The following RBFOX1 variants were observed in gnomAD, a reference collection of about 807,000 sequenced individuals.
The protein encoded by RBFOX1 is RNA binding fox-1 homolog 1.
In RBFOX1, 8 loss-of-function variants were observed where a neutral mutation model predicts 57.7. That is an observed-to-expected ratio of 0.14 (90% confidence interval 0.08 to 0.25). The LOEUF (loss-of-function observed/expected upper bound fraction) is 0.25, where lower values mean the gene tolerates loss of function less well. Among genes scored for constraint, RBFOX1 ranks in the 10% least tolerant of loss-of-function variants. RBFOX1 has a pLI of 1.00. For synonymous variants in RBFOX1, 326 were observed against 222.4 expected (o/e 1.47, Z -4.15); for missense variants, 611 against 548.5 (o/e 1.11, Z -1.14).
chr16:5,305,828 T>G (rs1411896439), intron 1 of RBFOX1, among the ~76,000 whole-genome samples: 4 of 152,044 alleles, frequency 2.6e-5, no homozygotes, highest in Admixed American at 2.6e-4. Context: ...GAGGCCTAGG[T>G]GGGGGGATTG....
intron 4 of RBFOX1, among the ~76,000 whole-genome samples, chr16:6,004,050 A>G (rs1326421096): frequency 6.6e-6 from 1 of 152,204 alleles, no homozygotes; most frequent in Non-Finnish European, 1.5e-5. Context: ...GTGATTAAGA[A>G]TATGTACTCT....
At chr16:6,779,695 T>G (rs2080021664) in intron 3 of RBFOX1, among the ~76,000 whole-genome samples, 1 of 126,952 alleles carries the variant, frequency 7.9e-6, no homozygotes, top group Non-Finnish European at 1.6e-5. Flanking sequence ...CTATCTTTAT[T>G]TATTTATATA....
At chr16:7,151,435 C>G (rs916539756) in intron 4 of RBFOX1, among the ~76,000 whole-genome samples, 9 of 152,094 alleles carry the variant, frequency 5.9e-5, no homozygotes, top group African/African-American at 1.9e-4. Context: ...TCACTAATGT[C>G]TTTACTTGTT....
chr16:7,413,569 A>G (rs984640380), intron 4 of RBFOX1, among the ~76,000 whole-genome samples: 1 of 150,904 alleles, frequency 6.6e-6, no homozygotes, highest in Non-Finnish European at 1.5e-5. Flanking sequence ...TCCGCCATAG[A>G]TTCCACGCTT....
chr16:6,936,576 C>A (rs141710314), intron 3 of RBFOX1, among the ~76,000 whole-genome samples: 1 of 152,090 alleles, frequency 6.6e-6, no homozygotes, highest in South Asian at 2.1e-4. Flanking sequence ...TTAATTGTTT[C>A]CTGTATATGC....
chr16:5,940,666 G>T (rs541670025), intron 4 of RBFOX1, among the ~76,000 whole-genome samples: 1 of 152,358 alleles, frequency 6.6e-6, no homozygotes, highest in Admixed American at 6.5e-5. Flanking sequence ...GGGAGCACCC[G>T]TGGTAAATCA....
chr16:7,420,247 A>G (rs2098527510), intron 4 of RBFOX1, among the ~76,000 whole-genome samples: 1 of 152,114 alleles, frequency 6.6e-6, no homozygotes, highest in African/African-American at 2.4e-5. Flanking sequence ...GCAGATTGTA[A>G]ATAGCCTCTC....
chr16:7,453,681 G>A (rs9922064), intron 4 of RBFOX1, among the ~76,000 whole-genome samples: 1 of 151,982 alleles, frequency 6.6e-6, no homozygotes, highest in African/African-American at 2.4e-5. Context: ...CACTGGTCAA[G>A]GTACTGAGGG....
At chr16:6,983,797 C>G (rs1407672187) in intron 3 of RBFOX1, 2 of 152,308 alleles carry the variant, frequency 1.3e-5, no homozygotes, top group African/African-American at 4.8e-5. Flanking sequence ...CTACTTGTGC[C>G]TAGTGATGGT....
rs752810278 is a variant in RBFOX1 at position 7,331,904 on chromosome 16, A to C, written c.28-186243A>C. Among the ~76,000 whole-genome samples, 4 of 152,156 alleles carry C rather than the reference A, an allele frequency of 2.6e-5. No individual in the cohort carries two copies. In the South Asian group the frequency reaches 6.2e-4, roughly 24 times the overall value. On this transcript the variant is annotated intron_variant, in intron 4 of 15. Coordinates refer to ENST00000550418, the MANE Select transcript of RBFOX1 (RefSeq NM_018723.4). The stretch of plus-strand genomic sequence containing the variant: ...CCCAAATGATTGCTTGGGTATTTTC[A>C]AACACCAGAAAGATTTCAAATCTGT...
chr16:7,696,418 G>C (rs1051628513), intron 14 of RBFOX1, among the ~76,000 whole-genome samples: 7 of 152,164 alleles, frequency 4.6e-5, no homozygotes, highest in East Asian at 3.9e-4. Context: ...TCTTAGACGG[G>C]AGGTCTCCGT....
At chr16:6,473,385 C>A (rs968925234) in intron 2 of RBFOX1, among the ~76,000 whole-genome samples, 1 of 152,054 alleles carries the variant, frequency 6.6e-6, no homozygotes, top group Non-Finnish European at 1.5e-5. Context: ...ATGCTGACAA[C>A]CCTAGCATCT....
intron 3 of RBFOX1, among the ~76,000 whole-genome samples, chr16:7,028,877 C>G (rs1568437848): frequency 6.6e-6 from 1 of 150,716 alleles, no homozygotes; most frequent in Non-Finnish European, 1.5e-5. Flanking sequence ...GAGTGGGAAT[C>G]CAAGCTCTGC....
At chr16:6,277,433 A>T (rs1192158658) in intron 1 of RBFOX1, among the ~76,000 whole-genome samples, 1 of 138,060 alleles carries the variant, frequency 7.2e-6, no homozygotes, top group Non-Finnish European at 1.5e-5. Flanking sequence ...CCCCAGAGAG[A>T]GTGACAGAAC....
At chr16:6,785,856 T>C (rs74007038) in intron 3 of RBFOX1, among the ~76,000 whole-genome samples, 17,529 of 152,192 alleles carry the variant, frequency 0.12, 1,200 homozygotes, top group African/African-American at 0.18. Context: ...CAAAGTCCAT[T>C]AGACTCTAAA....
At position 6,428,135 on chromosome 16, in the gene RBFOX1, A is replaced by T. The variant is rs1408863675; in HGVS notation, c.-64+111078A>T. ...CCATCCCTACAACAAATACAAAAACACTTAGCCAAGTGTGCTGGTGTATGC... is the reference window on the plus strand; with the variant it reads ...CCATCCCTACAACAAATACAAAAACTCTTAGCCAAGTGTGCTGGTGTATGC... On this transcript the variant is annotated intron_variant, in intron 2 of 15. Coordinates refer to ENST00000550418, the MANE Select transcript of RBFOX1 (RefSeq NM_018723.4). Among the ~76,000 whole-genome samples the T allele has an allele frequency of 2.0e-5, 3 of 151,708 alleles. No individual in the cohort carries two copies. The East Asian group carries it at 5.8e-4, about 29-fold the overall frequency.
At chr16:5,936,819 C>T (rs17138952) in intron 4 of RBFOX1, among the ~76,000 whole-genome samples, 3,031 of 152,156 alleles carry the variant, frequency 0.02, 91 homozygotes, top group African/African-American at 0.069. Flanking sequence ...AAGACAAGAG[C>T]GGCAAAGCAG....
At chr16:7,487,904 T>C (rs904709703) in intron 4 of RBFOX1, among the ~76,000 whole-genome samples, 2 of 152,160 alleles carry the variant, frequency 1.3e-5, no homozygotes, top group Non-Finnish European at 2.9e-5. Flanking sequence ...AGCAAATCTA[T>C]TACCAGCGTC....
chr16:7,208,267 G>C (rs1296810726), intron 4 of RBFOX1, among the ~76,000 whole-genome samples: 1 of 152,160 alleles, frequency 6.6e-6, no homozygotes, highest in Non-Finnish European at 1.5e-5. Context: ...GGCTCCCTTT[G>C]CCTCACAATG....
Sources: gnomAD v4.1 joint callset for allele counts (sites outside exome capture counted in the v4.1 genomes callset) on GRCh38, gnomAD v4.1.1 for gene constraint, MANE v1.5 for transcripts, NCBI Gene and HGNC (gene_info 2026-07-23, HGNC 2026-07-21) for gene names.